DLGAP2: variants seen among roughly 807,000 people sequenced by gnomAD.
DLGAP2 encodes the protein DLG associated protein 2.
Under a neutral mutation model 100.3 loss-of-function variants are expected in DLGAP2, and 26 were observed. That is an observed-to-expected ratio of 0.26 (90% CI 0.19 to 0.36). The LOEUF (loss-of-function observed/expected upper bound fraction) is 0.36, where lower values mean the gene tolerates loss of function less well. DLGAP2 is among the 10% of genes least tolerant of loss of function. The probability of loss-of-function intolerance (pLI) is 1.00; values close to 1 mark genes in which losing one functional copy is unlikely to be tolerated. For missense variants in DLGAP2, 1,858 were observed against 1,453.2 expected (o/e 1.28, Z -4.53); for synonymous variants, 886 against 630.1 (o/e 1.41, Z -6.08).
chr8:1,209,366 C>T (rs1303416337), intron 2 of DLGAP2, among the ~76,000 whole-genome samples: 13 of 151,960 alleles, frequency 8.6e-5, no homozygotes, highest in Admixed American at 6.6e-4. Flanking sequence ...TTTATGGGTT[C>T]GTTTATTTGT....
chr8:1,301,648 A>G (rs543637832), intron 3 of DLGAP2: 1 of 152,276 alleles, frequency 6.6e-6, no homozygotes, highest in Non-Finnish European at 1.5e-5. Flanking sequence ...AGGGCCCAAC[A>G]TAAGCTTCAC....
chr8:1,073,618 G>T (rs886816650), intron 2 of DLGAP2, among the ~76,000 whole-genome samples: 1 of 152,182 alleles, frequency 6.6e-6, no homozygotes, highest in Non-Finnish European at 1.5e-5. Context: ...ATGGTGGAAC[G>T]TGGCACAGAC....
At chr8:1,622,239 C>A (rs1005439654) in intron 6 of DLGAP2, 3 of 152,330 alleles carry the variant, frequency 2.0e-5, no homozygotes, top group East Asian at 1.9e-4. Context: ...CTTCTCCTGT[C>A]AGATCCCATT....
chr8:1,050,511 C>A (rs1585014330), intron 2 of DLGAP2, among the ~76,000 whole-genome samples: 1 of 152,194 alleles, frequency 6.6e-6, no homozygotes, highest in South Asian at 2.1e-4. Flanking sequence ...GCATTTTTGA[C>A]TTACGGCATT....
At chr8:1,154,621 C>T (rs1289148133) in intron 2 of DLGAP2, among the ~76,000 whole-genome samples, 2 of 56,850 alleles carry the variant, frequency 3.5e-5, no homozygotes, top group Admixed American at 2.1e-4. Context: ...AATAGATTAA[C>T]CATCCATTAA....
chr8:848,322 ATCGTGCGGTGCGTGTTCC>A (rs1797110123), intron 1 of DLGAP2, among the ~76,000 whole-genome samples: 4 of 139,386 alleles, frequency 2.9e-5, no homozygotes, highest in African/African-American at 8.2e-5. Flanking sequence ...CCAGTATAGG[ATCGTGCGGTGCGTGTTCC>A]AGTATAGGAA....
chr8:983,160 T>C (rs924158392), intron 2 of DLGAP2, among the ~76,000 whole-genome samples: 1 of 152,224 alleles, frequency 6.6e-6, no homozygotes, highest in African/African-American at 2.4e-5. Flanking sequence ...TAATGTTCTC[T>C]TGAAAATCGG....
chr8:1,032,049 G>A (rs1026614384), intron 2 of DLGAP2, among the ~76,000 whole-genome samples: 10 of 152,324 alleles, frequency 6.6e-5, no homozygotes, highest in Middle Eastern at 3.4e-3. Context: ...TCTTCCATCC[G>A]GCTTATGATT....
chr8:1,370,645 T>A (rs1237717411), intron 3 of DLGAP2, among the ~76,000 whole-genome samples: 1 of 152,194 alleles, frequency 6.6e-6, no homozygotes, highest in Non-Finnish European at 1.5e-5. Flanking sequence ...TCACACCCAA[T>A]GAGGATTAGA....
chr8:1,465,030 C>T (rs1052783139), intron 3 of DLGAP2, among the ~76,000 whole-genome samples: 5 of 152,258 alleles, frequency 3.3e-5, no homozygotes, highest in African/African-American at 1.2e-4. Flanking sequence ...GGCTTCTCCC[C>T]ACCACCCAGC....
At position 1,681,987 on chromosome 8, in the gene DLGAP2, A is replaced by G. The variant is rs116602364; in HGVS notation, c.2704+3358A>G. Among the ~76,000 whole-genome samples, 233 of 139,146 alleles carry G rather than the reference A, an allele frequency of 1.7e-3. 1 individual carries two copies. The highest frequency in any genetic ancestry group is 6.1e-3 in the African/African-American group (187 of 30,748). 91.3% of individuals were successfully genotyped at this position (139,146 alleles called of 152,430 possible). A position where few individuals can be genotyped will look rare whatever the true frequency, so the allele number is the denominator to read the frequency against. ...GGACTGGGAGTCACGGCCCTCTGAC[A>G]TTGAAGGCTCTGCCTTTCCACCCAC... On this transcript the variant is annotated intron_variant, in intron 12 of 14. Coordinates refer to ENST00000637795, the MANE Select transcript of DLGAP2 (RefSeq NM_001346810.2).
intron 6 of DLGAP2, among the ~76,000 whole-genome samples, chr8:1,619,142 C>A (rs895272111): frequency 6.6e-6 from 1 of 152,228 alleles, no homozygotes; most frequent in East Asian, 1.9e-4. Context: ...AGAACTCCTA[C>A]AAAACAAGAA....
chr8:1,548,367 G>A (rs1299420941), intron 4 of DLGAP2, among the ~76,000 whole-genome samples: 8 of 147,556 alleles, frequency 5.4e-5, no homozygotes, highest in African/African-American at 1.7e-4. Context: ...GCTGAGGCAG[G>A]AGAATCGCTT....
chr8:1,223,923 CTTG>C (rs1798365546), intron 2 of DLGAP2, among the ~76,000 whole-genome samples: 1 of 152,190 alleles, frequency 6.6e-6, no homozygotes, highest in African/African-American at 2.4e-5. Flanking sequence ...AGACATACTC[CTTG>C]TTGTTAAAAA....
At chr8:862,167 C>T (rs1437297655) in intron 1 of DLGAP2, among the ~76,000 whole-genome samples, 3 of 152,164 alleles carry the variant, frequency 2.0e-5, no homozygotes, top group Admixed American at 6.5e-5. Context: ...GAGAAGGCTC[C>T]GGGCCTCGTC....
chr8:815,980 A>C (rs1291191182), intron 1 of DLGAP2, among the ~76,000 whole-genome samples: 1 of 152,154 alleles, frequency 6.6e-6, no homozygotes, highest in African/African-American at 2.4e-5. Context: ...TTGTCTTTTT[A>C]AAATGCTGTT....
intron 2 of DLGAP2, among the ~76,000 whole-genome samples, chr8:1,200,221 G>A (rs1160044289): frequency 2.0e-5 from 3 of 152,182 alleles, no homozygotes; most frequent in Non-Finnish European, 4.4e-5. Flanking sequence ...TTCCTCCTGG[G>A]ACAGCTTCGT....
intron 2 of DLGAP2, among the ~76,000 whole-genome samples, chr8:954,373 C>A (rs1455959159): frequency 6.6e-6 from 1 of 152,150 alleles, no homozygotes; most frequent in African/African-American, 2.4e-5. Flanking sequence ...CCTTCAGCCC[C>A]TAGGAGAAAC....
chr8:1,159,755 T>C (rs1367528912), intron 2 of DLGAP2, among the ~76,000 whole-genome samples: 1 of 152,212 alleles, frequency 6.6e-6, no homozygotes, highest in Non-Finnish European at 1.5e-5. Flanking sequence ...AGTCATACAT[T>C]GAAAAATACT....
Sources: allele counts gnomAD v4.1 joint callset (sites outside exome capture counted in the v4.1 genomes callset), GRCh38; gene constraint gnomAD v4.1.1; transcripts MANE v1.5; gene names NCBI Gene and HGNC (gene_info 2026-07-23, HGNC 2026-07-21).